The following PARD3 variants were observed in gnomAD, a reference collection of about 807,000 sequenced individuals.
The protein encoded by PARD3 is partitioning defective 3 homolog.
Under a neutral mutation model 155.4 loss-of-function variants are expected in PARD3, and 75 were observed. The ratio of observed to expected loss-of-function variants is 0.48; its 90% CI spans 0.40 to 0.58. The LOEUF (loss-of-function observed/expected upper bound fraction) is 0.58, where lower values mean the gene tolerates loss of function less well. Ranked by LOEUF, PARD3 falls within the 20% of genes least tolerant of loss-of-function variation. The probability of loss-of-function intolerance (pLI) is 0.00; values close to 1 mark genes in which losing one functional copy is unlikely to be tolerated. For synonymous variants in PARD3, 576 were observed against 610.5 expected (o/e 0.94, Z 0.83); for missense variants, 1,642 against 1,721.7 (o/e 0.95, Z 0.82).
chr10:34,157,646 G>C (rs1388417374), intron 22 of PARD3, among the ~76,000 whole-genome samples: 1 of 152,128 alleles, frequency 6.6e-6, no homozygotes, highest in Non-Finnish European at 1.5e-5. Context: ...ACTGTTTTGT[G>C]TGTGATTCTT....
chr10:34,453,954 T>G (rs941643706), intron 4 of PARD3, among the ~76,000 whole-genome samples: 3 of 152,344 alleles, frequency 2.0e-5, no homozygotes, highest in Admixed American at 2.0e-4. Flanking sequence ...AAACTAAAAC[T>G]AACGTTCACT....
chr10:34,210,437 TG>T lies in PARD3; in HGVS notation c.3419+59219del, dbSNP rs372129250. The stretch of plus-strand genomic sequence containing the variant: ...AGACATTTGGTGGGCAGAGTGGCGA[TG>T]GGGAGTATTTCTTTTAGACACCACC... On this transcript the variant is annotated intron_variant, in intron 22 of 24. Coordinates refer to ENST00000374788, the MANE Select transcript of PARD3 (RefSeq NM_001184785.2). 5.8e-4 allele frequency among the ~76,000 whole-genome samples: 88 copies of T among 152,230 alleles called. 1 individual carries two copies. The highest frequency in any genetic ancestry group is 1.9e-3 in the African/African-American group (81 of 41,540).
intron 23 of PARD3, among the ~76,000 whole-genome samples, chr10:34,120,587 G>A (rs916721854): frequency 6.6e-6 from 1 of 152,042 alleles, no homozygotes; most frequent in Non-Finnish European, 1.5e-5. Flanking sequence ...TCTAGTACAG[G>A]ATGACAGTGA....
intron 1 of PARD3, among the ~76,000 whole-genome samples, chr10:34,714,780 T>G (rs2094494999): frequency 6.6e-6 from 1 of 151,602 alleles, no homozygotes; most frequent in Non-Finnish European, 1.5e-5. Flanking sequence ...TCAAAATTTT[T>G]TTTTTTTTTT....
intron 1 of PARD3, among the ~76,000 whole-genome samples, chr10:34,790,285 G>C (rs1841477002): frequency 1.3e-5 from 2 of 152,284 alleles, no homozygotes; most frequent in South Asian, 4.1e-4. Context: ...TCCTCTGCTG[G>C]CACTAATTTA....
chr10:34,795,467 A>G (rs1842148715), intron 1 of PARD3, among the ~76,000 whole-genome samples: 1 of 152,108 alleles, frequency 6.6e-6, no homozygotes, highest in African/African-American at 2.4e-5. Context: ...AAAATTAGCC[A>G]GGCATGGTGG....
chr10:34,564,176 A>C (rs922130310), intron 2 of PARD3, among the ~76,000 whole-genome samples: 14 of 152,242 alleles, frequency 9.2e-5, no homozygotes, highest in Admixed American at 9.2e-4. Flanking sequence ...AGAAGTAAAA[A>C]TGTTACATGT....
At chr10:34,238,885 A>G (rs1339243115) in intron 22 of PARD3, among the ~76,000 whole-genome samples, 2 of 152,250 alleles carry the variant, frequency 1.3e-5, no homozygotes, top group African/African-American at 4.8e-5. Context: ...CTGTACAGCC[A>G]TGAATATACA....
intron 22 of PARD3, among the ~76,000 whole-genome samples, chr10:34,242,779 C>CA (rs1241006030): frequency 1.3e-5 from 2 of 152,068 alleles, no homozygotes; most frequent in South Asian, 4.2e-4. Flanking sequence ...ACTAAAAATA[C>CA]AAAAAATTAG....
intron 2 of PARD3, among the ~76,000 whole-genome samples, chr10:34,609,471 C>T (rs911343239): frequency 1.3e-5 from 2 of 152,166 alleles, no homozygotes; most frequent in Non-Finnish European, 2.9e-5. Flanking sequence ...TAGAAGTATA[C>T]CACACTCCTG....
chr10:34,431,724 G>A (rs1432526284), intron 5 of PARD3, among the ~76,000 whole-genome samples: 1 of 113,640 alleles, frequency 8.8e-6, no homozygotes, highest in Non-Finnish European at 1.7e-5. Context: ...TGGGTGACAG[G>A]AGCAAAACTC....
rs537024686 is a variant in PARD3 at position 34,275,734 on chromosome 10, T to C, written c.3177-5835A>G. Among the ~76,000 whole-genome samples the C allele has an allele frequency of 1.8e-4, 27 of 152,132 alleles. No homozygotes were observed. The South Asian group carries it at 2.7e-3, about 15-fold the overall frequency. On this transcript the variant is annotated intron_variant, in intron 21 of 24. Coordinates refer to ENST00000374788, the MANE Select transcript of PARD3 (RefSeq NM_001184785.2). ...GTTTGGTGTCCTCATAAAAATAACA[T>C]GACTTCTTAAGGAAACTTTGAAAAG...
chr10:34,615,005 C>T (rs1348821838), intron 2 of PARD3, among the ~76,000 whole-genome samples: 1 of 152,110 alleles, frequency 6.6e-6, no homozygotes, highest in Non-Finnish European at 1.5e-5. Flanking sequence ...AGTGAAACCA[C>T]GTCTCTACTA....
intron 22 of PARD3, among the ~76,000 whole-genome samples, chr10:34,170,488 C>A (rs757438097): frequency 7.2e-5 from 11 of 152,122 alleles, no homozygotes; most frequent in Non-Finnish European, 1.2e-4. Context: ...ACAGAGACTA[C>A]CCTGGGGAAG....
intron 20 of PARD3, among the ~76,000 whole-genome samples, chr10:34,305,599 C>T (rs917640171): frequency 2.6e-5 from 4 of 152,244 alleles, no homozygotes; most frequent in African/African-American, 9.6e-5. Flanking sequence ...CTATACAATC[C>T]TCAGCCTGAA....
intron 20 of PARD3, among the ~76,000 whole-genome samples, chr10:34,313,228 T>C (rs1283454989): frequency 2.0e-5 from 3 of 152,214 alleles, no homozygotes; most frequent in Non-Finnish European, 1.5e-5. Context: ...GCTCCCCGCT[T>C]TGCTCTGCAA....
At chr10:34,176,039 A>G (rs1203299753) in intron 22 of PARD3, among the ~76,000 whole-genome samples, 1 of 152,190 alleles carries the variant, frequency 6.6e-6, no homozygotes, top group African/African-American at 2.4e-5. Context: ...AGTTTAGCAA[A>G]TATGTTTCTC....
At chr10:34,665,090 T>C (rs1460126296) in intron 2 of PARD3, among the ~76,000 whole-genome samples, 1 of 151,950 alleles carries the variant, frequency 6.6e-6, no homozygotes, top group African/African-American at 2.4e-5. Flanking sequence ...ATTACAAAGT[T>C]TTTTTTAAAA....
chr10:34,141,425 C>A (rs1444430100), intron 22 of PARD3, among the ~76,000 whole-genome samples: 2 of 152,146 alleles, frequency 1.3e-5, no homozygotes, highest in Non-Finnish European at 2.9e-5. Flanking sequence ...AAATTAAAAA[C>A]ATACAGCTAT....
Sources: allele counts gnomAD v4.1 joint callset (sites outside exome capture counted in the v4.1 genomes callset), GRCh38; gene constraint gnomAD v4.1.1; transcripts MANE v1.5; gene names NCBI Gene and HGNC (gene_info 2026-07-23, HGNC 2026-07-21).